FCHSD2: variants seen among roughly 807,000 people sequenced by gnomAD.
The protein encoded by FCHSD2 is F-BAR and double SH3 domains protein 2.
Under a neutral mutation model 108.1 loss-of-function variants are expected in FCHSD2, and 38 were observed. The observed-to-expected ratio is 0.35, with a 90% CI of 0.27 to 0.46. The LOEUF is 0.46. Ranked by LOEUF, FCHSD2 falls within the 20% of genes least tolerant of loss-of-function variation. The pLI is 1.00. For synonymous variants in FCHSD2, 279 were observed against 314.7 expected (o/e 0.89, Z 1.20); for missense variants, 751 against 897.8 (o/e 0.84, Z 2.09).
intron 3 of FCHSD2, among the ~76,000 whole-genome samples, chr11:73,064,297 G>A (rs1859237721): frequency 1.3e-5 from 2 of 152,100 alleles, no homozygotes; most frequent in Admixed American, 1.3e-4. Context: ...GTCTGTAGAG[G>A]GAAATTTATA....
At chr11:73,066,890 G>A (rs773469095) in intron 3 of FCHSD2, among the ~76,000 whole-genome samples, 25 of 152,180 alleles carry the variant, frequency 1.6e-4, no homozygotes, top group Non-Finnish European at 1.3e-4. Flanking sequence ...TGGTGGGAGT[G>A]TAAATTACTT....
At position 72,838,687 on chromosome 11, in the gene FCHSD2, C is replaced by A. The variant is rs1012020069; in HGVS notation, c.*104G>T. On this transcript the variant is annotated 3_prime_UTR_variant, in exon 20 of 20. Transcript: ENST00000409418. ...CACACATAATCCTCCTTGTTTTTTG[C>A]TCTGTTCAAGAGTCATCATCATGCA... is the stretch of plus-strand genomic sequence containing the variant. 4.4e-6 allele frequency: 4 copies of A among 901,374 alleles called. No homozygotes were observed. Among genetic ancestry groups the A allele is most frequent in the Admixed American group, 4.3e-5 (2 of 46,214 alleles). The allele number at this position is 901,374 out of a possible 1,614,324, so 55.8% of individuals were successfully genotyped here.
chr11:72,855,756 A>G (rs1349380595), intron 13 of FCHSD2, among the ~76,000 whole-genome samples: 1 of 152,204 alleles, frequency 6.6e-6, no homozygotes, highest in East Asian at 1.9e-4. Context: ...GCACTTACCT[A>G]GAGCACTGTC....
intron 2 of FCHSD2, among the ~76,000 whole-genome samples, chr11:73,101,646 AG>A (rs1860228123): frequency 1.3e-5 from 2 of 152,080 alleles, no homozygotes; most frequent in African/African-American, 4.8e-5. Context: ...TATGTTGCCC[AG>A]GGTAGTCTGG....
intron 3 of FCHSD2, among the ~76,000 whole-genome samples, chr11:73,068,264 G>A (rs1360426361): frequency 6.6e-6 from 1 of 150,976 alleles, no homozygotes; most frequent in African/African-American, 2.4e-5. Flanking sequence ...TCTCGCTTGT[G>A]AGTGGGAGCT....
chr11:72,988,520 G>C (rs1404458196), intron 6 of FCHSD2, among the ~76,000 whole-genome samples: 1 of 152,140 alleles, frequency 6.6e-6, no homozygotes, highest in African/African-American at 2.4e-5. Flanking sequence ...TTTCTACATG[G>C]AGGTCAGTGC....
At position 73,001,052 on chromosome 11, in the gene FCHSD2, T is replaced by C; in HGVS notation, c.325A>G (p.Lys109Glu). ...QSRMNICENY[K>E]NFISEPARTV... Reference sequence around the variant, plus strand: ...CTTGCAGGCTCAGAAATGAAGTTTTTATAGTTTTCACATATATTCATCCGA... The same window carrying C: ...CTTGCAGGCTCAGAAATGAAGTTTTCATAGTTTTCACATATATTCATCCGA... Residue 109 changes from lysine (K) to glutamate (E), a missense_variant, in exon 5 of 20, where the codon AAA becomes GAA. By Grantham distance (56) the Lys-to-Glu change is moderately conservative. Coordinates refer to ENST00000409418, the MANE Select transcript of FCHSD2 (RefSeq NM_014824.3). 6.2e-7 allele frequency: 1 copy of C among 1,613,008 alleles called. No homozygotes were observed. The highest frequency in any genetic ancestry group is 8.5e-7 in the Non-Finnish European group (1 of 1,179,466).
rs77718624 is a variant in FCHSD2 at position 73,075,006 on chromosome 11, A to T, written c.165+8689T>A. ...AAGCCAACAAGAGACTTTAACAGGCACTTAATAACACAAAATATTTAGATG... is the reference window on the plus strand; with the variant it reads ...AAGCCAACAAGAGACTTTAACAGGCTCTTAATAACACAAAATATTTAGATG... On this transcript the variant is annotated intron_variant, in intron 3 of 19. Transcript: ENST00000409418. 1.6e-3 allele frequency among the ~76,000 whole-genome samples: 240 copies of T among 152,336 alleles called. 1 individual carries two copies. The East Asian group carries it at 0.026, about 16-fold the overall frequency.
At chr11:73,064,671 TTA>T (rs1162489275) in intron 3 of FCHSD2, among the ~76,000 whole-genome samples, 1 of 152,024 alleles carries the variant, frequency 6.6e-6, no homozygotes, top group East Asian at 1.9e-4. Context: ...TGGGATATTC[TTA>T]TATCACCACT....
At chr11:72,881,228 C>T (rs1479726665) in intron 12 of FCHSD2, among the ~76,000 whole-genome samples, 1 of 152,112 alleles carries the variant, frequency 6.6e-6, no homozygotes, top group Admixed American at 6.6e-5. Flanking sequence ...TGTGTAACCA[C>T]TTTTCTCAAA....
At chr11:72,856,083 G>C (rs901568086) in intron 13 of FCHSD2, among the ~76,000 whole-genome samples, 4 of 152,200 alleles carry the variant, frequency 2.6e-5, no homozygotes, top group Non-Finnish European at 5.9e-5. Flanking sequence ...GGACAGGCAG[G>C]ATTGGCCTTC....
At chr11:72,942,808 G>T (rs1856446037) in intron 8 of FCHSD2, among the ~76,000 whole-genome samples, 1 of 152,102 alleles carries the variant, frequency 6.6e-6, no homozygotes, top group African/African-American at 2.4e-5. Context: ...TAGACACAGG[G>T]TCTCGCTCTA....
intron 4 of FCHSD2, among the ~76,000 whole-genome samples, chr11:73,003,278 C>T (rs1204118720): frequency 1.3e-5 from 2 of 152,238 alleles, no homozygotes; most frequent in Middle Eastern, 6.8e-3. Flanking sequence ...ACAAAAATAC[C>T]TGCACCACTT....
At chr11:73,056,972 A>C (rs1291538650) in intron 3 of FCHSD2, among the ~76,000 whole-genome samples, 1 of 152,158 alleles carries the variant, frequency 6.6e-6, no homozygotes, top group African/African-American at 2.4e-5. Context: ...AGTCCCAGCT[A>C]CTTGGGAAAC....
At position 72,840,359 on chromosome 11, in the gene FCHSD2, G is replaced by A. The variant is rs372441212; in HGVS notation, c.2139+518C>T. The stretch of plus-strand genomic sequence containing the variant: ...AGGAAAATAAAATTGCAAAGTATCC[G>A]ACTGGATTACCGTGCAAGTTATGAC... On this transcript the variant is annotated intron_variant, in intron 19 of 19. Coordinates refer to ENST00000409418, the MANE Select transcript of FCHSD2 (RefSeq NM_014824.3). 2.6e-5 allele frequency among the ~76,000 whole-genome samples: 4 copies of A among 152,188 alleles called. No individual in the cohort carries two copies. The East Asian group carries it at 7.7e-4, about 29-fold the overall frequency.
Position 73,015,903 on chromosome 11 carries a change from T to A in FCHSD2, c.166-18A>T. The A allele has an allele frequency of 1.4e-6, 2 of 1,434,954 alleles. No homozygotes were observed. Among genetic ancestry groups the A allele is most frequent in the Non-Finnish European group, 1.9e-6 (2 of 1,037,428 alleles). 88.9% of individuals were successfully genotyped at this position (1,434,954 alleles called of 1,614,324 possible). ...TGCATACCCTGTTAAAAAATACATA[T>A]TTTTTCTAAAATAAATATTATGCCA... On this transcript the variant is annotated intron_variant, in intron 3 of 19. Coordinates refer to ENST00000409418, the MANE Select transcript of FCHSD2 (RefSeq NM_014824.3).
chr11:72,979,076 T>C (rs1312334102), intron 8 of FCHSD2, among the ~76,000 whole-genome samples: 1 of 152,022 alleles, frequency 6.6e-6, no homozygotes, highest in African/African-American at 2.4e-5. Context: ...CAGGCTGGTC[T>C]CAAACTCCTG....
In FCHSD2 at chr11:72,877,004, C is replaced by G. The variant is rs557615504; in HGVS notation, c.1147-8978G>C. Among the ~76,000 whole-genome samples the G allele has an allele frequency of 6.7e-5, 10 of 149,916 alleles. No homozygotes were observed. In the East Asian group the frequency reaches 1.2e-3, roughly 18 times the overall value. ...TTTTTTTTTTTAGACAGGGTCTGGA[C>G]TTTGTTGTCTACGCTGCAGTGCAGT... On this transcript the variant is annotated intron_variant, in intron 12 of 19. Coordinates refer to ENST00000409418, the MANE Select transcript of FCHSD2 (RefSeq NM_014824.3).
chr11:73,098,386 C>G (rs1860140261), intron 2 of FCHSD2, among the ~76,000 whole-genome samples: 1 of 152,116 alleles, frequency 6.6e-6, no homozygotes, highest in Non-Finnish European at 1.5e-5. Flanking sequence ...TTTCTAGCTT[C>G]ATTCCTCTAT....
Sources: gnomAD v4.1 joint callset for allele counts (sites outside exome capture counted in the v4.1 genomes callset) on GRCh38, gnomAD v4.1.1 for gene constraint, MANE v1.5 for transcripts, NCBI Gene and HGNC (gene_info 2026-07-23, HGNC 2026-07-21) for gene names.